Variants in MINPP1 observed in about 807,000 individuals in gnomAD.
MINPP1 encodes multiple inositol-polyphosphate phosphatase 1, also known as multiple inositol polyphosphate phosphatase 1.
A neutral mutation model predicts 46.1 loss-of-function variants in MINPP1; 28 were observed. The observed-to-expected ratio is 0.61, with a 90% CI of 0.45 to 0.83. The LOEUF is 0.83. Ranked by LOEUF, MINPP1 falls within the 40% of genes least tolerant of loss-of-function variation. The pLI is 0.00. For missense variants in MINPP1, 603 were observed against 610.0 expected, an observed-to-expected ratio of 0.99 and a Z score of 0.12; for synonymous variants, 268 against 249.1, an observed-to-expected ratio of 1.08 and a Z score of -0.72.
intron 4 of MINPP1, among the ~76,000 whole-genome samples, chr10:87,536,513 A>G (rs1392294787): frequency 6.6e-6 from 1 of 152,172 alleles, no homozygotes; most frequent in African/African-American, 2.4e-5. Context: ...ACCATAATCA[A>G]GATAAAATAT....
Position 87,505,119 on chromosome 10 carries a change from G to A in MINPP1, c.204G>A (p.Trp68Ter). 2 of 1,612,838 alleles carry A rather than the reference G, an allele frequency of 1.2e-6. No individual in the cohort carries two copies. The highest frequency in any genetic ancestry group is 1.7e-6 in the Non-Finnish European group (2 of 1,179,660). Residue 68 changes from tryptophan (W) to a stop codon, truncating the protein, a stop_gained, in exon 1 of 5, where the codon TGG becomes TGA. Coordinates refer to ENST00000371996, the MANE Select transcript of MINPP1 (RefSeq NM_004897.5). LOFTEE classifies it high-confidence loss of function. The surrounding 1 kb of genome is among the most constrained non-coding windows in gnomAD (Gnocchi z 4.4). ...PVLLSGPEAP[W>*]RDPELLEGTC... ...TATTGTCGGGCCCCGAGGCTCCGTG[G>A]CGGGACCCTGAGCTGCTGGAGGGGA... is the stretch of plus-strand genomic sequence containing the variant.
intron 3 of MINPP1, among the ~76,000 whole-genome samples, chr10:87,518,097 T>TACGAGCAGCTGGGAC (rs1564674434): frequency 4.0e-4 from 60 of 150,980 alleles, no homozygotes; most frequent in African/African-American, 1.4e-3. Flanking sequence ...GCAGCTGGGA[T>TACGAGCAGCTGGGAC]TACAGGCACC....
intron 3 of MINPP1, among the ~76,000 whole-genome samples, chr10:87,515,329 G>A (rs1265059790): frequency 6.6e-6 from 1 of 151,970 alleles, no homozygotes; most frequent in African/African-American, 2.4e-5. Flanking sequence ...GGAGGTTGCA[G>A]TGAGCCAAGA....
chr10:87,536,497 A>C (rs1400679339), intron 4 of MINPP1, among the ~76,000 whole-genome samples: 1 of 152,172 alleles, frequency 6.6e-6, no homozygotes, highest in African/African-American at 2.4e-5. Context: ...CGCCCATGAA[A>C]CCATCACCAT....
At chr10:87,534,213 C>T (rs947065468) in intron 4 of MINPP1, among the ~76,000 whole-genome samples, 3 of 151,858 alleles carry the variant, frequency 2.0e-5, no homozygotes, top group Admixed American at 6.6e-5. Context: ...CCACCATGCC[C>T]AGCTAATTTT....
chr10:87,551,881 A>G (rs1851968137), intron 4 of MINPP1, among the ~76,000 whole-genome samples: 1 of 152,136 alleles, frequency 6.6e-6, no homozygotes, highest in Non-Finnish European at 1.5e-5. Flanking sequence ...TGAATTTCGG[A>G]ACTTAACTTT....
chr10:87,532,389 T>C (rs924542630), intron 4 of MINPP1, among the ~76,000 whole-genome samples: 1 of 152,242 alleles, frequency 6.6e-6, no homozygotes, highest in Non-Finnish European at 1.5e-5. Context: ...ATAAAAGCCA[T>C]GTATAATGAT....
chr10:87,508,378 G>A lies in MINPP1; in HGVS notation c.680G>A (p.Arg227Lys). 6.2e-7 allele frequency: 1 copy of A among 1,613,010 alleles called. No individual in the cohort carries two copies. The highest frequency in any genetic ancestry group is 8.5e-7 in the Non-Finnish European group (1 of 1,179,720). Residue 227 changes from arginine to lysine, a missense_variant, in exon 2 of 5, where the codon AGA (arginine) becomes AAA (lysine). Arg to Lys is a conservative substitution (Grantham distance 26, BLOSUM62 2). Coordinates refer to ENST00000371996, the MANE Select transcript of MINPP1 (RefSeq NM_004897.5). ...GPPTVNDKLM[R>K]FFDHCEKFLT... ...CCAACAGTTAATGATAAACTAATGA[G>A]ATTTTTTGATCACTGTGAGAAGTTT... is the stretch of plus-strand genomic sequence containing the variant.
chr10:87,536,491 C>G (rs1851737696), intron 4 of MINPP1, among the ~76,000 whole-genome samples: 1 of 152,088 alleles, frequency 6.6e-6, no homozygotes, highest in Non-Finnish European at 1.5e-5. Context: ...TATATACGCC[C>G]ATGAAACCAT....
intron 4 of MINPP1, among the ~76,000 whole-genome samples, chr10:87,549,269 A>ATAGAACT (rs1223172890): frequency 6.6e-6 from 1 of 152,222 alleles, no homozygotes; most frequent in Admixed American, 6.5e-5. Flanking sequence ...AATGCAATTA[A>ATAGAACT]TAGAACTTTG....
intron 4 of MINPP1, among the ~76,000 whole-genome samples, chr10:87,547,755 C>T (rs1254037585): frequency 6.6e-6 from 1 of 152,182 alleles, no homozygotes; most frequent in African/African-American, 2.4e-5. Context: ...AAACTCAGCA[C>T]ACCACTAATT....
intron 4 of MINPP1, among the ~76,000 whole-genome samples, chr10:87,539,862 T>G (rs1324176764): frequency 6.6e-6 from 1 of 152,196 alleles, no homozygotes; most frequent in African/African-American, 2.4e-5. Context: ...TACCTCTTCC[T>G]GTATTTTTTG....
chr10:87,535,769 GA>G (rs951744561), intron 4 of MINPP1, among the ~76,000 whole-genome samples: 7 of 148,208 alleles, frequency 4.7e-5, no homozygotes, highest in East Asian at 2.0e-4. Flanking sequence ...CTCTACAAAA[GA>G]AAAAAAAAAT....
chr10:87,529,809 G>C (rs1298198782), intron 4 of MINPP1, among the ~76,000 whole-genome samples: 1 of 152,136 alleles, frequency 6.6e-6, no homozygotes, highest in Non-Finnish European at 1.5e-5. Flanking sequence ...TTTCCAACTT[G>C]GTTCCATTCT....
chr10:87,520,057 A>AGTGTGTGTGTGTGTGTGTGTGTGTGTGT lies in MINPP1; in HGVS notation c.934-957_934-956insGTGTGTGTGTGTGTGTGTGTGTGTGTGT, dbSNP rs141533495. 1.5e-3 allele frequency among the ~76,000 whole-genome samples: 221 copies of AGTGTGTGTGTGTGTGTGTGTGTGTGTGT among 147,464 alleles called. 2 individuals carry two copies. Among genetic ancestry groups the AGTGTGTGTGTGTGTGTGTGTGTGTGTGT allele is most frequent in the East Asian group, 0.01 (51 of 4,992 alleles). On this transcript the variant is annotated intron_variant, in intron 3 of 4. Transcript: ENST00000371996. The stretch of plus-strand genomic sequence containing the variant: ...TCATTCTTAGAAATATAAAAGGTAT[A>AGTGTGTGTGTGTGTGTGTGTGTGTGTGT]GTGTGTGTGTGTGTGTGTGTGTTGG...
intron 4 of MINPP1, among the ~76,000 whole-genome samples, chr10:87,545,604 TAATCCAGTGTCTTAGA>T (rs1271242239): frequency 6.6e-6 from 1 of 152,336 alleles, no homozygotes; most frequent in East Asian, 1.9e-4. Flanking sequence ...ATATGTCTTA[TAATCCAGTGTCTTAGA>T]AATGACCAAA....
intron 2 of MINPP1, among the ~76,000 whole-genome samples, chr10:87,510,485 C>A (rs1851319614): frequency 1.3e-5 from 2 of 152,222 alleles, no homozygotes; most frequent in African/African-American, 4.8e-5. Flanking sequence ...AGTCCAAATT[C>A]TTTTTATAGA....
At chr10:87,513,458 AT>A (rs1851365864) in intron 3 of MINPP1, among the ~76,000 whole-genome samples, 1 of 152,152 alleles carries the variant, frequency 6.6e-6, no homozygotes, top group Non-Finnish European at 1.5e-5. Flanking sequence ...TTCCATGATG[AT>A]TTGATTTCTA....
intron 4 of MINPP1, among the ~76,000 whole-genome samples, chr10:87,527,362 A>T (rs1287401463): frequency 2.0e-5 from 3 of 152,152 alleles, no homozygotes; most frequent in African/African-American, 7.2e-5. Flanking sequence ...TTTCAAAGGG[A>T]ATGCTTCCAG....
Sources: allele counts gnomAD v4.1 joint callset (sites outside exome capture counted in the v4.1 genomes callset), GRCh38; gene constraint gnomAD v4.1.1; non-coding constraint Gnocchi (gnomAD v3.1); transcripts MANE v1.5; gene names NCBI Gene and HGNC (gene_info 2026-07-23, HGNC 2026-07-21).